The following VSIG10 variants were observed in gnomAD, a reference collection of about 807,000 sequenced individuals.
VSIG10 encodes the protein V-set and immunoglobulin domain-containing protein 10.
A neutral mutation model predicts 58.7 loss-of-function variants in VSIG10; 48 were observed. The observed-to-expected ratio is 0.82, with a 90% CI of 0.65 to 1.04. VSIG10 has a LOEUF of 1.04. Ranked by LOEUF, VSIG10 falls within the 50% of genes least tolerant of loss-of-function variation. The pLI is 0.00. For synonymous variants in VSIG10, 260 were observed against 267.1 expected (o/e 0.97, Z 0.26); for missense variants, 628 against 670.0 (o/e 0.94, Z 0.69).
At chr12:118,103,015 G>A (rs1416921317) in intron 1 of VSIG10, 2 of 152,168 alleles carry the variant, frequency 1.3e-5, no homozygotes, top group Non-Finnish European at 2.9e-5. Flanking sequence ...CAAGTGTGAG[G>A]GGAAGTCTTT....
Position 118,079,563 on chromosome 12 carries a change from T to A in VSIG10, c.708A>T (p.Ser236=). The change falls in exon 4 of 9, where the codon TCA becomes TCT. Residue 236 remains serine (S), a synonymous_variant. Transcript: ENST00000359236. ...SAPQCWAQMA[S]GSFMLQLTCR... The stretch of plus-strand genomic sequence containing the variant: ...AGGTAAGCTGCAACATGAACGATCC[T>A]GATGCCATCTGTGCCCAGCACTGGG... 1 of 1,614,028 alleles carries A rather than the reference T, an allele frequency of 6.2e-7. No individual in the cohort carries two copies. Among genetic ancestry groups the A allele is most frequent in the Non-Finnish European group, 8.5e-7 (1 of 1,179,894 alleles).
At chr12:118,076,784 T>C (rs1277409528) in intron 4 of VSIG10, among the ~76,000 whole-genome samples, 1 of 151,876 alleles carries the variant, frequency 6.6e-6, no homozygotes, top group Non-Finnish European at 1.5e-5. Context: ...GCCTCCCCAG[T>C]AGCTGGGATT....
intron 4 of VSIG10, among the ~76,000 whole-genome samples, chr12:118,079,079 C>T (rs76886627): frequency 3.3e-5 from 5 of 151,806 alleles, no homozygotes; most frequent in Admixed American, 6.6e-5. Context: ...ATCCTCAGCA[C>T]GTAGAAACTG....
chr12:118,067,055 T>C (rs1301938744), intron 8 of VSIG10, among the ~76,000 whole-genome samples: 1 of 151,978 alleles, frequency 6.6e-6, no homozygotes, highest in Non-Finnish European at 1.5e-5. Context: ...CTTATCTTTC[T>C]CTGAGGTCCT....
At chr12:118,071,542 T>G in intron 5 of VSIG10, 73 bp from the exon 6 acceptor site, 21 of 1,357,550 alleles carry the variant, frequency 1.5e-5, no homozygotes, top group Non-Finnish European at 2.2e-5. Context: ...TCCCTTTCTC[T>G]GCGTGGATCC....
rs184100159 is a variant in VSIG10 at position 118,095,673 on chromosome 12, C to T, written c.221G>A (p.Arg74Gln). 85 of 1,613,890 alleles carry T rather than the reference C, an allele frequency of 5.3e-5. No homozygotes were observed. The East Asian group carries it at 1.4e-3, about 26-fold the overall frequency. The part of the protein sequence containing the change: ...VFLLSSNSSL[R>Q]PAEPRFSLVD... ...TAGAGAGAAGCGAGGCTCAGCTGGC[C>T]GGAGGCTAGAGTTGGACGAGAGAAG... The change falls in exon 2 of 9, where the codon CGG becomes CAG. Residue 74 changes from arginine to glutamine, a missense_variant. Coordinates refer to ENST00000359236, the MANE Select transcript of VSIG10 (RefSeq NM_019086.6).
At chr12:118,089,916 C>T (rs923232294) in intron 2 of VSIG10, among the ~76,000 whole-genome samples, 7 of 152,190 alleles carry the variant, frequency 4.6e-5, no homozygotes, top group African/African-American at 1.7e-4. Flanking sequence ...TGTTTTATTT[C>T]ATCAGCTCTT....
chr12:118,087,967 T>C (rs2033178693), intron 2 of VSIG10, among the ~76,000 whole-genome samples: 1 of 151,846 alleles, frequency 6.6e-6, no homozygotes, highest in Non-Finnish European at 1.5e-5. Context: ...CAGATGAGGC[T>C]GGGCGCGGTG....
In VSIG10 at chr12:118,091,836, C is replaced by T. The variant is rs548678882; in HGVS notation, c.361+3697G>A. ...GCAATGGCGCAATCTCAGCTCGCTG[C>T]AACCTCTGTCTCCCAAGTTGAAGCG... On this transcript the variant is annotated intron_variant, in intron 2 of 8. Transcript: ENST00000359236. Among the ~76,000 whole-genome samples, 195 of 152,136 alleles carry T rather than the reference C, an allele frequency of 1.3e-3. 1 individual carries two copies. The highest frequency in any genetic ancestry group is 6.7e-3 in the South Asian group (32 of 4,804).
At chr12:118,096,349 C>A (rs981674827) in intron 1 of VSIG10, among the ~76,000 whole-genome samples, 3 of 149,644 alleles carry the variant, frequency 2.0e-5, no homozygotes, top group African/African-American at 7.4e-5. Flanking sequence ...GAGGCCAAGG[C>A]GGGCGGATCA....
intron 7 of VSIG10, 194 bp downstream of exon 7, chr12:118,070,858 G>T: frequency 1.6e-6 from 1 of 644,940 alleles, no homozygotes. Flanking sequence ...GGAAAATGGA[G>T]ATGTCACCAC....
intron 1 of VSIG10, chr12:118,102,514 G>T (rs1246424539): frequency 2.6e-5 from 4 of 152,096 alleles, no homozygotes; most frequent in Non-Finnish European, 5.9e-5. Context: ...GGGAAAGCAG[G>T]CCCCGTGTTG....
In VSIG10 at chr12:118,095,626, T is replaced by C. The variant is rs769461393; in HGVS notation, c.268A>G (p.Ile90Val). Residue 90 changes from isoleucine to valine, a missense_variant, in exon 2 of 9, where the codon ATT becomes GTT. By Grantham distance (29) the Ile-to-Val change is conservative (BLOSUM62 3). Transcript: ENST00000359236. ...FSLVDATSLH[I>V]ESLSLGDEGI... ...TCATCTCCCAGGCTCAGCGATTCAA[T>C]GTGCAGGGAGGTGGCATCCACTAGA... 8 of 1,613,814 alleles carry C rather than the reference T, an allele frequency of 5.0e-6. No individual in the cohort carries two copies. The highest frequency in any genetic ancestry group is 3.3e-5 in the Admixed American group (2 of 59,974).
chr12:118,072,681 G>A (rs1261050225), intron 5 of VSIG10, among the ~76,000 whole-genome samples: 1 of 151,976 alleles, frequency 6.6e-6, no homozygotes, highest in East Asian at 1.9e-4. Flanking sequence ...AACACAGTGC[G>A]ACCTCATCTG....
chr12:118,093,096 T>A (rs2033345102), intron 2 of VSIG10, among the ~76,000 whole-genome samples: 1 of 150,492 alleles, frequency 6.6e-6, no homozygotes, highest in Non-Finnish European at 1.5e-5. Context: ...GAGACCATCC[T>A]GGCTAACACA....
chr12:118,100,516 A>G (rs1359615116), intron 1 of VSIG10, among the ~76,000 whole-genome samples: 1 of 151,790 alleles, frequency 6.6e-6, no homozygotes, highest in Admixed American at 6.6e-5. Flanking sequence ...AGCAGATAAG[A>G]ATTCTTTTTA....
chr12:118,096,773 T>C (rs912692567), intron 1 of VSIG10, among the ~76,000 whole-genome samples: 1 of 150,320 alleles, frequency 6.7e-6, no homozygotes, highest in African/African-American at 2.4e-5. Flanking sequence ...GCGTAGCGGC[T>C]CATGCCTGTA....
rs533494771 is a variant in VSIG10 at position 118,096,574 on chromosome 12, G to A, written c.80-760C>T. On this transcript the variant is annotated intron_variant, in intron 1 of 8. Transcript: ENST00000359236. ...GCCTGGGCAACAAGAGCGTAACTCC[G>A]TCTCAAAAAAAAAAAAAAAAGCACA... Among the ~76,000 whole-genome samples the A allele has an allele frequency of 9.4e-4, 113 of 120,160 alleles. 2 individuals carry two copies. The East Asian group carries it at 0.024, about 25-fold the overall frequency. The allele number at this position is 120,160 out of a possible 152,430, so 78.8% of individuals were successfully genotyped here. A position where few individuals can be genotyped will look rare whatever the true frequency, so the allele number is the denominator to read the frequency against.
At position 118,103,618 on chromosome 12, in the gene VSIG10, C is replaced by G; in HGVS notation, c.54G>C (p.Ala18=). The G allele has an allele frequency of 6.6e-7, 1 of 1,517,730 alleles. No homozygotes were observed. The highest frequency in any genetic ancestry group is 8.8e-7 in the Non-Finnish European group (1 of 1,138,966). 94.0% of individuals were successfully genotyped at this position (1,517,730 alleles called of 1,614,324 possible). The part of the protein sequence containing the change: ...PEPRVLVCLG[A]LLAGWVAVGL... ...CTACGGCGACCCAGCCGGCCAGGAG[C>G]GCCCCGAGGCAGACGAGGACGCGGG... Residue 18 remains alanine, a synonymous_variant, in exon 1 of 9, where the codon GCG becomes GCC. Coordinates refer to ENST00000359236, the MANE Select transcript of VSIG10 (RefSeq NM_019086.6).
Sources: gnomAD v4.1 joint callset for allele counts (sites outside exome capture counted in the v4.1 genomes callset) on GRCh38, gnomAD v4.1.1 for gene constraint, MANE v1.5 for transcripts, NCBI Gene and HGNC (gene_info 2026-07-23, HGNC 2026-07-21) for gene names.